CHLSN: variants seen among roughly 807,000 people sequenced by gnomAD.
CHLSN encodes the protein protein cholesin.
the CHLSN span, among the ~76,000 whole-genome samples, chr7:1,122,305 T>C: frequency 6.6e-6 from 1 of 152,334 alleles, no homozygotes; most frequent in East Asian, 1.9e-4. Flanking sequence ...TCTGCTGACA[T>C]GCTGACAGCA....
At chr7:1,024,134 C>T in the CHLSN span, among the ~76,000 whole-genome samples, 4 of 152,174 alleles carry the variant, frequency 2.6e-5, no homozygotes, top group South Asian at 6.2e-4. Context: ...TGGGCCACAG[C>T]GATCCTTCCG....
At chr7:999,155 T>TA in the CHLSN span, among the ~76,000 whole-genome samples, 5 of 152,230 alleles carry the variant, frequency 3.3e-5, no homozygotes, top group African/African-American at 1.2e-4. Context: ...TTTTTCTGTA[T>TA]AAAAAGTTTT....
chr7:1,123,746 AC>A, the CHLSN span, among the ~76,000 whole-genome samples: 3 of 150,588 alleles, frequency 2.0e-5, no homozygotes, highest in Admixed American at 1.3e-4. The surrounding 1 kb of genome is among the most constrained non-coding windows in gnomAD (Gnocchi z 4.4). Context: ...CCATCTGAAA[AC>A]CCTCCCAGTA....
At chr7:1,033,715 G>C in the CHLSN span, among the ~76,000 whole-genome samples, 1 of 152,196 alleles carries the variant, frequency 6.6e-6, no homozygotes, top group Non-Finnish European at 1.5e-5. Flanking sequence ...GGTGCCTCCT[G>C]AGTGAGGTGA....
chr7:1,044,391 G>C, the CHLSN span, among the ~76,000 whole-genome samples: 4 of 152,238 alleles, frequency 2.6e-5, no homozygotes, highest in Non-Finnish European at 5.9e-5. Flanking sequence ...AACCAGCACT[G>C]CCTCCACCGC....
chr7:1,127,701 A>C, the CHLSN span, among the ~76,000 whole-genome samples: 1,723 of 26,902 alleles, frequency 0.064, 128 homozygotes, highest in East Asian at 0.14. Context: ...GCAGTGGCAC[A>C]ATCTCGGCTG....
At chr7:1,136,196 ACAC>A in the CHLSN span, among the ~76,000 whole-genome samples, 2 of 105,586 alleles carry the variant, frequency 1.9e-5, no homozygotes, top group African/African-American at 9.1e-5. Flanking sequence ...ATAAATATAT[ACAC>A]AAATATATAA....
chr7:1,069,029 G>A, the CHLSN span, among the ~76,000 whole-genome samples: 6 of 152,306 alleles, frequency 3.9e-5, no homozygotes, highest in East Asian at 1.2e-3. Flanking sequence ...TTGCAAGACC[G>A]TCATTAAAAG....
chr7:981,670 C>T, the CHLSN span, among the ~76,000 whole-genome samples: 2 of 152,006 alleles, frequency 1.3e-5, no homozygotes, highest in Non-Finnish European at 2.9e-5. Context: ...GCCGAGATCA[C>T]GCCATTGTAG....
chr7:991,307 C>A, the CHLSN span, among the ~76,000 whole-genome samples: 2 of 152,212 alleles, frequency 1.3e-5, no homozygotes, highest in Non-Finnish European at 2.9e-5. Context: ...CCCCATCTCA[C>A]CCAGCGAGAT....
chr7:1,105,948 G>A, the CHLSN span, among the ~76,000 whole-genome samples: 2,686 of 152,264 alleles, frequency 0.018, 94 homozygotes, highest in East Asian at 0.17. Flanking sequence ...TCAGAAAGAC[G>A]CGTCCATATC....
chr7:998,190 C>T, the CHLSN span, among the ~76,000 whole-genome samples: 28 of 152,156 alleles, frequency 1.8e-4, no homozygotes, highest in South Asian at 4.1e-4. Context: ...CTGCTCAGGG[C>T]GGCAGTGGCC....
the CHLSN span, among the ~76,000 whole-genome samples, chr7:1,124,577 G>A: frequency 9.2e-6 from 1 of 108,224 alleles, no homozygotes; most frequent in South Asian, 4.1e-4. Context: ...GGGGGGGGAG[G>A]GGGGAGGGAT....
the CHLSN span, among the ~76,000 whole-genome samples, chr7:1,076,773 G>A: frequency 5.9e-5 from 9 of 152,360 alleles, no homozygotes; most frequent in South Asian, 2.1e-4. Context: ...CAGCCTTCTC[G>A]GGAAAGCCGG....
the CHLSN span, among the ~76,000 whole-genome samples, chr7:1,117,729 A>T: frequency 6.8e-6 from 1 of 146,224 alleles, no homozygotes; most frequent in African/African-American, 2.7e-5. Context: ...ACGCCCACGC[A>T]GGATGATGAC....
chr7:984,445 C>A, the CHLSN span: 20 of 1,549,328 alleles, frequency 1.3e-5, no homozygotes, highest in East Asian at 4.4e-4. Flanking sequence ...GTTCACCGTG[C>A]ACCTGGGGCG....
At chr7:1,057,448 T>C in the CHLSN span, 1 of 672,064 alleles carries the variant, frequency 1.5e-6, no homozygotes, top group South Asian at 1.7e-5. Context: ...GGCCAGGGCT[T>C]TGGGACGGGA....
the CHLSN span, among the ~76,000 whole-genome samples, chr7:1,002,947 GT>G: frequency 1.0e-4 from 11 of 106,460 alleles, no homozygotes; most frequent in African/African-American, 3.7e-4. Context: ...CTGTGGGTGA[GT>G]GGAGTCCTGT....
the CHLSN span, among the ~76,000 whole-genome samples, chr7:1,062,559 G>A: frequency 2.0e-5 from 3 of 152,142 alleles, no homozygotes; most frequent in Non-Finnish European, 2.9e-5. Flanking sequence ...TAAGCCACGC[G>A]GGCTGAAGGA....
Sources: gnomAD v4.1 joint callset for allele counts (sites outside exome capture counted in the v4.1 genomes callset) on GRCh38, gnomAD v4.1.1 for gene constraint, Gnocchi (gnomAD v3.1) non-coding constraint, MANE v1.5 for transcripts, NCBI Gene and HGNC (gene_info 2026-07-23, HGNC 2026-07-21) for gene names.